Variants in PATJ observed in about 807,000 individuals in gnomAD.
PATJ encodes PATJ crumbs cell polarity complex component.
Under a neutral mutation model 224.9 loss-of-function variants are expected in PATJ, and 190 were observed. That is an observed-to-expected ratio of 0.84 (90% CI 0.75 to 0.95). PATJ has a LOEUF of 0.95. Among genes scored for constraint, PATJ ranks in the 40% least tolerant of loss-of-function variants. The pLI is 0.00. For missense variants in PATJ, 2,121 were observed against 2,270.3 expected, an observed-to-expected ratio of 0.93 and a Z score of 1.34; for synonymous variants, 769 against 820.3, an observed-to-expected ratio of 0.94 and a Z score of 1.07.
At chr1:61,813,394 CACACAT>C (rs1557690942) in intron 14 of PATJ, among the ~76,000 whole-genome samples, 2 of 138,888 alleles carry the variant, frequency 1.4e-5, no homozygotes, top group African/African-American at 5.4e-5. Context: ...CACACACACA[CACACAT>C]ACACACATAT....
chr1:61,885,413 A>C (rs1045831771), intron 22 of PATJ, among the ~76,000 whole-genome samples: 1 of 152,230 alleles, frequency 6.6e-6, no homozygotes, highest in Admixed American at 6.5e-5. Flanking sequence ...ATGCAGCCAA[A>C]AGACACGAAA....
At chr1:62,074,400 A>G (rs1358536851) in intron 31 of PATJ, among the ~76,000 whole-genome samples, 1 of 152,130 alleles carries the variant, frequency 6.6e-6, no homozygotes, top group Non-Finnish European at 1.5e-5. Flanking sequence ...ATGAACCTTA[A>G]AAATAACCAA....
intron 27 of PATJ, among the ~76,000 whole-genome samples, chr1:61,944,569 G>A (rs936930799): frequency 4.6e-5 from 7 of 152,188 alleles, no homozygotes; most frequent in Non-Finnish European, 2.9e-5. Context: ...AGAAATATAG[G>A]ACTATGTGAA....
At position 62,018,856 on chromosome 1, in the gene PATJ, C is replaced by A. The variant is rs1299314294; in HGVS notation, c.3959+909C>A. Among the ~76,000 whole-genome samples the A allele has an allele frequency of 6.6e-6, 1 of 152,146 alleles. No individual in the cohort carries two copies. Among genetic ancestry groups the A allele is most frequent in the Non-Finnish European group, 1.5e-5 (1 of 68,036 alleles). ...ACCAGCAGTAAGATCTGTCCATTCC[C>A]AGGGACCACTGGGATTAGGAGGTAG... On this transcript the variant is annotated intron_variant, in intron 29 of 43. Coordinates refer to ENST00000642238, the MANE Select transcript of PATJ (RefSeq NM_001350145.3). This position sits in a 1 kb window ranked among gnomAD's most constrained non-coding sequence, Gnocchi z 4.2.
At position 62,108,303 on chromosome 1, in the gene PATJ, A is replaced by G. The variant is rs955164271; in HGVS notation, c.4378-134A>G. ...ACCTCTGAATATATCATAACTGTGT[A>G]TATTGTTTATCTTTATGTCAGATAA... On this transcript the variant is annotated intron_variant, in intron 33 of 43. Coordinates refer to ENST00000642238, the MANE Select transcript of PATJ (RefSeq NM_001350145.3). The G allele has an allele frequency of 1.9e-5, 10 of 520,916 alleles. No individual in the cohort carries two copies. The East Asian group carries it at 3.2e-4, about 17-fold the overall frequency. 32.3% of individuals were successfully genotyped at this position (520,916 alleles called of 1,614,324 possible).
chr1:61,927,789 T>C lies in PATJ; in HGVS notation c.3630T>C (p.Asp1210=), dbSNP rs1675435509. ...KLPPPYKALT[D]DSDENEEEDA... ...CTCCTCCTTATAAAGCTCTGACTGA[T>C]GACAGTGATGAAAATGAAGAAGAAG... The change falls in exon 27 of 44, where the codon GAT becomes GAC. Residue 1210 remains aspartate, a synonymous_variant. Transcript: ENST00000642238. 6.2e-7 allele frequency: 1 copy of C among 1,613,486 alleles called. No individual in the cohort carries two copies. The highest frequency in any genetic ancestry group is 8.5e-7 in the Non-Finnish European group (1 of 1,179,746).
chr1:61,833,796 CT>C lies in PATJ; in HGVS notation c.2112+12del, dbSNP rs1431291249. 13 of 1,611,328 alleles carry C rather than the reference CT, an allele frequency of 8.1e-6. No individual in the cohort carries two copies. Among genetic ancestry groups the C allele is most frequent in the Non-Finnish European group, 1.0e-5 (12 of 1,178,516 alleles). On this transcript the variant is annotated intron_variant, in intron 17 of 43. Transcript: ENST00000642238. Reference sequence around the variant, plus strand: ...ATTTTGGATTACCAGGTATAAGAACCTGTGTAGAGGTGTTTTCTTTGGAGTG... The same window carrying C: ...ATTTTGGATTACCAGGTATAAGAACCGTGTAGAGGTGTTTTCTTTGGAGTG...
At chr1:61,910,725 TTTCCCGCAGACAGGGTC>T (rs1289953108) in intron 25 of PATJ, among the ~76,000 whole-genome samples, 3 of 151,888 alleles carry the variant, frequency 2.0e-5, no homozygotes, top group Middle Eastern at 3.4e-3. Flanking sequence ...TTTTGATTTT[TTTCCCGCAGACAGGGTC>T]TCCCCTTATT....
At chr1:62,004,984 A>G (rs969262851) in intron 28 of PATJ, among the ~76,000 whole-genome samples, 3 of 152,166 alleles carry the variant, frequency 2.0e-5, no homozygotes, top group Non-Finnish European at 4.4e-5. Context: ...CTACATCTGT[A>G]TCATCCTCCC....
intron 9 of PATJ, 111 bp from the exon 10 acceptor site, chr1:61,795,356 T>C: frequency 1.8e-6 from 1 of 570,442 alleles, no homozygotes; most frequent in Non-Finnish European, 3.2e-6. Flanking sequence ...AAAATAGTAT[T>C]TATCAAACCT....
intron 39 of PATJ, among the ~76,000 whole-genome samples, chr1:62,123,469 CTTTTTTTT>C (rs34621846): frequency 5.3e-4 from 34 of 64,562 alleles, no homozygotes; most frequent in African/African-American, 7.2e-4. Context: ...CTATAAGTTT[CTTTTTTTT>C]TTTTTTTTTT....
At chr1:61,873,734 T>G (rs773424179) in intron 20 of PATJ, among the ~76,000 whole-genome samples, 5 of 152,148 alleles carry the variant, frequency 3.3e-5, no homozygotes, top group Non-Finnish European at 7.3e-5. Context: ...CCCCTACAAG[T>G]GTTTACACCA....
chr1:62,144,773 A>ATATATATATATATATATATATAT (rs1017771263), intron 41 of PATJ, among the ~76,000 whole-genome samples: 12 of 86,900 alleles, frequency 1.4e-4, no homozygotes, highest in South Asian at 1.0e-3. Flanking sequence ...TTGCAAAAAA[A>ATATATATATATATATATATATAT]AAAAATATAT....
intron 1 of PATJ, among the ~76,000 whole-genome samples, chr1:61,757,652 C>G (rs1369566218): frequency 2.6e-5 from 4 of 152,122 alleles, no homozygotes; most frequent in African/African-American, 9.7e-5. Context: ...TCCTAAAGTG[C>G]TAGGTTTAGA....
At chr1:61,804,271 T>G (rs1213808465) in intron 12 of PATJ, among the ~76,000 whole-genome samples, 1 of 152,162 alleles carries the variant, frequency 6.6e-6, no homozygotes, top group Non-Finnish European at 1.5e-5. Flanking sequence ...TTTAATAGGA[T>G]CTTTGGTTAG....
intron 33 of PATJ, among the ~76,000 whole-genome samples, chr1:62,098,583 A>ACACT (rs1661697930): frequency 6.8e-6 from 1 of 147,206 alleles, no homozygotes; most frequent in Admixed American, 7.0e-5. Context: ...TAACGGAGTG[A>ACACT]GACCGTGTCT....
At chr1:61,867,483 A>G (rs1665603703) in intron 20 of PATJ, among the ~76,000 whole-genome samples, 1 of 152,024 alleles carries the variant, frequency 6.6e-6, no homozygotes, top group Non-Finnish European at 1.5e-5. Context: ...TTTAATGTAT[A>G]CACTTTTAAG....
chr1:61,840,578 G>A (rs1037320974), intron 17 of PATJ, among the ~76,000 whole-genome samples: 1 of 151,560 alleles, frequency 6.6e-6, no homozygotes, highest in Non-Finnish European at 1.5e-5. Context: ...AAAATTATAT[G>A]CTCTTTCATT....
chr1:61,936,701 A>G (rs2149325919), intron 27 of PATJ, among the ~76,000 whole-genome samples: 1 of 152,020 alleles, frequency 6.6e-6, no homozygotes, highest in East Asian at 1.9e-4. Context: ...CCACCCAAGT[A>G]GCTGGGATTA....
Sources: allele counts gnomAD v4.1 joint callset (sites outside exome capture counted in the v4.1 genomes callset), GRCh38; gene constraint gnomAD v4.1.1; non-coding constraint Gnocchi (gnomAD v3.1); transcripts MANE v1.5; gene names NCBI Gene and HGNC (gene_info 2026-07-23, HGNC 2026-07-21).